The following KIAA1958 variants were observed in gnomAD, a reference collection of about 807,000 sequenced individuals.
The protein encoded by KIAA1958 is uncharacterized protein KIAA1958.
KIAA1958 carries 14 observed loss-of-function variants against 47.2 expected under a neutral mutation model. The ratio of observed to expected loss-of-function variants is 0.30; its 90% CI spans 0.20 to 0.46. The LOEUF (loss-of-function observed/expected upper bound fraction) is 0.46, where lower values mean the gene tolerates loss of function less well. KIAA1958 is among the 20% of genes least tolerant of loss of function. The pLI is 1.00. For missense variants in KIAA1958, 803 were observed against 909.2 expected (o/e 0.88, Z 1.50); for synonymous variants, 354 against 353.3 (o/e 1.00, Z -0.02).
At chr9:112,598,916 T>A (rs2131197947) in intron 2 of KIAA1958, among the ~76,000 whole-genome samples, 1 of 152,110 alleles carries the variant, frequency 6.6e-6, no homozygotes, top group South Asian at 2.1e-4. Flanking sequence ...ACCCCATCTG[T>A]ACAAAAAATT....
chr9:112,660,110 G>T lies in KIAA1958; in HGVS notation c.*41G>T. 2 of 1,567,780 alleles carry T rather than the reference G, an allele frequency of 1.3e-6. No homozygotes were observed. The highest frequency in any genetic ancestry group is 1.7e-6 in the Non-Finnish European group (2 of 1,150,344). On this transcript the variant is annotated 3_prime_UTR_variant, in exon 4 of 4. Transcript: ENST00000337530. Reference sequence around the variant, plus strand: ...CGGCCACTGCCCTGTCACCTGCTCGGGCCAGCCAGGGTTGGAGCAGCTGGA... The same window carrying T: ...CGGCCACTGCCCTGTCACCTGCTCGTGCCAGCCAGGGTTGGAGCAGCTGGA...
At chr9:112,537,809 A>G (rs756715774) in intron 1 of KIAA1958, among the ~76,000 whole-genome samples, 1 of 152,216 alleles carries the variant, frequency 6.6e-6, no homozygotes, top group Non-Finnish European at 1.5e-5. Flanking sequence ...TCCTGTTTTC[A>G]GATAATATTT....
chr9:112,528,149 A>T (rs1012863775), intron 1 of KIAA1958, among the ~76,000 whole-genome samples: 14 of 152,072 alleles, frequency 9.2e-5, no homozygotes, highest in Non-Finnish European at 2.1e-4. Context: ...GTCTCCAGAG[A>T]GATGTGATCA....
chr9:112,548,895 AT>A (rs1380065278), intron 1 of KIAA1958, among the ~76,000 whole-genome samples: 1 of 152,180 alleles, frequency 6.6e-6, no homozygotes, highest in East Asian at 1.9e-4. Flanking sequence ...TTGGATAGAG[AT>A]TTGTACAGGC....
chr9:112,489,055 AC>A (rs1471795184), intron 1 of KIAA1958, among the ~76,000 whole-genome samples: 1 of 152,216 alleles, frequency 6.6e-6, no homozygotes, highest in Non-Finnish European at 1.5e-5. Flanking sequence ...GCACAGAAGC[AC>A]AGCTCAGTAT....
chr9:112,598,433 G>T (rs1284666121), intron 2 of KIAA1958, among the ~76,000 whole-genome samples: 1 of 152,166 alleles, frequency 6.6e-6, no homozygotes, highest in Non-Finnish European at 1.5e-5. Flanking sequence ...GAGTGACATG[G>T]ACAAACTGGG....
intron 2 of KIAA1958, among the ~76,000 whole-genome samples, chr9:112,604,476 G>A (rs1836189767): frequency 6.6e-6 from 1 of 152,150 alleles, no homozygotes; most frequent in Non-Finnish European, 1.5e-5. Context: ...TGGTACTTGT[G>A]AATGGTACAG....
chr9:112,521,665 T>G (rs1303254173), intron 1 of KIAA1958, among the ~76,000 whole-genome samples: 1 of 152,234 alleles, frequency 6.6e-6, no homozygotes, highest in Non-Finnish European at 1.5e-5. Context: ...TGTGGCATAT[T>G]GCATGATAAC....
chr9:112,501,887 T>C (rs1277090397), intron 1 of KIAA1958, among the ~76,000 whole-genome samples: 3 of 152,238 alleles, frequency 2.0e-5, no homozygotes, highest in African/African-American at 7.2e-5. Context: ...GTTGATGTCT[T>C]TGTGACATTG....
rs1202186516 is a variant in KIAA1958, at chr9:112,660,622, G to A, written c.*553G>A. On this transcript the variant is annotated 3_prime_UTR_variant, in exon 4 of 4. Transcript: ENST00000337530. ...GGAGGGCAGGCAGCCTTGTGTCGGG[G>A]AGTATCCTCAAGCGACACTTGGTCA... The A allele has an allele frequency of 6.4e-6, 1 of 156,100 alleles. No individual in the cohort carries two copies. Among genetic ancestry groups the A allele is most frequent in the African/African-American group, 2.4e-5 (1 of 41,450 alleles). 9.7% of individuals were successfully genotyped at this position (156,100 alleles called of 1,614,324 possible).
intron 1 of KIAA1958, among the ~76,000 whole-genome samples, chr9:112,547,140 GC>G (rs1835051404): frequency 6.6e-6 from 1 of 151,916 alleles, no homozygotes; most frequent in Admixed American, 6.6e-5. Flanking sequence ...ATTTTGGGAG[GC>G]CGAGGCGGGT....
At chr9:112,547,322 G>A (rs1162712296) in intron 1 of KIAA1958, among the ~76,000 whole-genome samples, 1 of 147,326 alleles carries the variant, frequency 6.8e-6, no homozygotes, top group Admixed American at 6.9e-5. Context: ...AGGTTGCAGT[G>A]AGCCACAGTT....
intron 2 of KIAA1958, among the ~76,000 whole-genome samples, chr9:112,585,607 G>T (rs1172749741): frequency 6.6e-6 from 1 of 152,194 alleles, no homozygotes; most frequent in East Asian, 1.9e-4. Flanking sequence ...CAGGAGGGCT[G>T]TTTTATAGGG....
intron 2 of KIAA1958, among the ~76,000 whole-genome samples, chr9:112,601,358 A>T (rs1239610460): frequency 6.6e-6 from 1 of 152,216 alleles, no homozygotes; most frequent in African/African-American, 2.4e-5. Context: ...AAAAACTTTC[A>T]GACCAGAAAA....
Position 112,660,636 on chromosome 9 carries a change from G to GAGATCT in KIAA1958, c.*568_*569insGATCTA. On this transcript the variant is annotated 3_prime_UTR_variant, in exon 4 of 4. Transcript: ENST00000337530. ...CTTGTGTCGGGGAGTATCCTCAAGC[G>GAGATCT]ACACTTGGTCATCTGACAAGGACTT... The GAGATCT allele has an allele frequency of 6.5e-6, 1 of 154,910 alleles. No homozygotes were observed. Among genetic ancestry groups the GAGATCT allele is most frequent in the Non-Finnish European group, 1.4e-5 (1 of 69,744 alleles). 9.6% of individuals were successfully genotyped at this position (154,910 alleles called of 1,614,324 possible). A position where few individuals can be genotyped will look rare whatever the true frequency, so the allele number is the denominator to read the frequency against.
At chr9:112,496,788 A>G (rs1231219319) in intron 1 of KIAA1958, among the ~76,000 whole-genome samples, 1 of 152,094 alleles carries the variant, frequency 6.6e-6, no homozygotes, top group Admixed American at 6.5e-5. Flanking sequence ...CTTAGATACA[A>G]TTTCACTTAA....
At chr9:112,614,453 T>A (rs543966466) in intron 2 of KIAA1958, among the ~76,000 whole-genome samples, 3 of 152,290 alleles carry the variant, frequency 2.0e-5, no homozygotes, top group East Asian at 1.9e-4. Flanking sequence ...GTCAGAAAAA[T>A]TTCTAAAACT....
At chr9:112,488,599 C>T (rs894186638) in intron 1 of KIAA1958, among the ~76,000 whole-genome samples, 1 of 151,804 alleles carries the variant, frequency 6.6e-6, no homozygotes. Flanking sequence ...AACGAAGAAG[C>T]AGTTTTGGGG....
rs1434543274 is a variant in KIAA1958 at position 112,665,163 on chromosome 9, C to T, written c.*5094C>T. On this transcript the variant is annotated 3_prime_UTR_variant, in exon 4 of 4. Coordinates refer to ENST00000337530, the MANE Select transcript of KIAA1958 (RefSeq NM_133465.4). ...ATTACTATTAATAGCAATTAGATAA[C>T]TCTCCCTCCCCCCATTGAGGTGAGA... 1.3e-5 allele frequency: 2 copies of T among 152,116 alleles called. No individual in the cohort carries two copies. Among genetic ancestry groups the T allele is most frequent in the Non-Finnish European group, 1.5e-5 (1 of 68,016 alleles). 9.4% of individuals were successfully genotyped at this position (152,116 alleles called of 1,614,324 possible). A position where few individuals can be genotyped will look rare whatever the true frequency, so the allele number is the denominator to read the frequency against.
Sources: allele counts gnomAD v4.1 joint callset (sites outside exome capture counted in the v4.1 genomes callset), GRCh38; gene constraint gnomAD v4.1.1; transcripts MANE v1.5; gene names NCBI Gene and HGNC (gene_info 2026-07-23, HGNC 2026-07-21).